The following COL25A1 variants were observed in gnomAD, a reference collection of about 807,000 sequenced individuals.
The protein encoded by COL25A1 is collagen type XXV alpha 1 chain.
COL25A1 carries 103 observed loss-of-function variants against 128.4 expected under a neutral mutation model. The observed-to-expected ratio is 0.80, with a 90% CI of 0.68 to 0.94. The LOEUF (loss-of-function observed/expected upper bound fraction) is 0.94, where lower values mean the gene tolerates loss of function less well. Among genes scored for constraint, COL25A1 ranks in the 40% least tolerant of loss-of-function variants. The pLI, the probability that COL25A1 is intolerant of heterozygous loss-of-function variation, is 0.00. For synonymous variants in COL25A1, 279 were observed against 277.2 expected (o/e 1.01, Z -0.06); for missense variants, 745 against 840.0 (o/e 0.89, Z 1.40).
intron 3 of COL25A1, among the ~76,000 whole-genome samples, chr4:109,228,918 C>T (rs1015924318): frequency 6.6e-6 from 1 of 152,208 alleles, no homozygotes; most frequent in African/African-American, 2.4e-5. Context: ...GAGTTATTTA[C>T]ATCATTCTTC....
chr4:109,202,327 T>C (rs924782946), intron 3 of COL25A1, among the ~76,000 whole-genome samples: 8 of 151,998 alleles, frequency 5.3e-5, no homozygotes, highest in African/African-American at 1.4e-4. Flanking sequence ...CAATTGATCA[T>C]TGACAAATGA....
intron 3 of COL25A1, among the ~76,000 whole-genome samples, chr4:109,189,777 T>G (rs1048628051): frequency 6.6e-6 from 1 of 152,150 alleles, no homozygotes; most frequent in Non-Finnish European, 1.5e-5. Context: ...TTTATCTATT[T>G]TTTTGTCTTC....
At chr4:109,277,460 A>G (rs1342372751) in intron 3 of COL25A1, among the ~76,000 whole-genome samples, 4 of 152,180 alleles carry the variant, frequency 2.6e-5, no homozygotes, top group African/African-American at 9.6e-5. Context: ...GGGAGGAAAA[A>G]TCTTAACTGA....
At chr4:109,191,894 A>T (rs1775652509) in intron 3 of COL25A1, among the ~76,000 whole-genome samples, 1 of 152,244 alleles carries the variant, frequency 6.6e-6, no homozygotes, top group Non-Finnish European at 1.5e-5. Context: ...CAGAGATAAG[A>T]GCCATCTAAA....
At position 109,024,262 on chromosome 4, in the gene COL25A1, T is replaced by C. The variant is rs1323726617; in HGVS notation, c.421-13887A>G. ...AACTTACTCTGGATTTATTGGGACA[T>C]ACATAACCCCATCATAAATTAAGGA... On this transcript the variant is annotated intron_variant, in intron 5 of 37. Coordinates refer to ENST00000399132, the MANE Select transcript of COL25A1 (RefSeq NM_198721.4). Among the ~76,000 whole-genome samples, 4 of 106,166 alleles carry C rather than the reference T, an allele frequency of 3.8e-5. No individual in the cohort carries two copies. In the South Asian group the frequency reaches 8.4e-4, roughly 22 times the overall value. The allele number at this position is 106,166 out of a possible 152,430, so 69.6% of individuals were successfully genotyped here.
In COL25A1 at chr4:109,302,250, C is replaced by A. The variant is rs553101805; in HGVS notation, c.-138G>T. The stretch of plus-strand genomic sequence containing the variant: ...TCCTCCCAGCTGGAAGTGAAAAGCA[C>A]CCTCCGTCCGGGGACTGGGTGGCGG... On this transcript the variant is annotated 5_prime_UTR_variant, in exon 1 of 38. Transcript: ENST00000399132. The A allele has an allele frequency of 1.3e-5, 7 of 541,696 alleles. 1 individual carries two copies. The South Asian group carries it at 2.4e-4, about 19-fold the overall frequency. The allele number at this position is 541,696 out of a possible 1,614,324, so 33.6% of individuals were successfully genotyped here. A position where few individuals can be genotyped will look rare whatever the true frequency, so the allele number is the denominator to read the frequency against.
In COL25A1 at chr4:109,216,478, T is replaced by A. The variant is rs1778007545; in HGVS notation, c.367+84105A>T. The stretch of plus-strand genomic sequence containing the variant: ...TTGGAAATGGTCTTTGTAGATATAA[T>A]CAAATTAATATGATGTCATCCTGGA... On this transcript the variant is annotated intron_variant, in intron 3 of 37. Coordinates refer to ENST00000399132, the MANE Select transcript of COL25A1 (RefSeq NM_198721.4). Among the ~76,000 whole-genome samples, 5 of 152,110 alleles carry A rather than the reference T, an allele frequency of 3.3e-5. No homozygotes were observed. The South Asian group carries it at 1.0e-3, about 32-fold the overall frequency.
intron 3 of COL25A1, among the ~76,000 whole-genome samples, chr4:109,065,545 C>CGTGTGTGT (rs70949065): frequency 1.2e-4 from 17 of 141,190 alleles, no homozygotes; most frequent in East Asian, 6.4e-4. Context: ...CGCGCGCGCG[C>CGTGTGTGT]GTGTGTGTGT....
At chr4:108,920,128 C>T (rs964941405) in intron 12 of COL25A1, among the ~76,000 whole-genome samples, 5 of 152,128 alleles carry the variant, frequency 3.3e-5, no homozygotes, top group Admixed American at 2.6e-4. Context: ...ATCAGGAAGT[C>T]ACTGTTCAGG....
At chr4:109,246,950 TG>T (rs1383958194) in intron 3 of COL25A1, among the ~76,000 whole-genome samples, 1 of 152,094 alleles carries the variant, frequency 6.6e-6, no homozygotes, top group Admixed American at 6.6e-5. Flanking sequence ...ACATCTGAAC[TG>T]GGATTTAAAA....
At chr4:109,183,621 T>C (rs2126149086) in intron 3 of COL25A1, among the ~76,000 whole-genome samples, 1 of 152,246 alleles carries the variant, frequency 6.6e-6, no homozygotes, top group Non-Finnish European at 1.5e-5. Context: ...ACGAGGTATT[T>C]CAGATTTCTG....
At chr4:108,833,604 C>A (rs1474074007) in intron 31 of COL25A1, among the ~76,000 whole-genome samples, 1 of 152,186 alleles carries the variant, frequency 6.6e-6, no homozygotes, top group African/African-American at 2.4e-5. Flanking sequence ...AATGTAGGAA[C>A]TATTCCAGCA....
chr4:109,288,181 C>G (rs1256223797), intron 3 of COL25A1, among the ~76,000 whole-genome samples: 1 of 152,128 alleles, frequency 6.6e-6, no homozygotes, highest in African/African-American at 2.4e-5. Context: ...CCTTCCTCAG[C>G]CTTACTCAGG....
intron 3 of COL25A1, among the ~76,000 whole-genome samples, chr4:109,199,769 C>T (rs1463884062): frequency 6.6e-6 from 1 of 152,126 alleles, no homozygotes; most frequent in African/African-American, 2.4e-5. Flanking sequence ...AACGAAGTCA[C>T]TTGGGATTGG....
intron 18 of COL25A1, among the ~76,000 whole-genome samples, chr4:108,885,655 G>T (rs541201182): frequency 1.3e-5 from 2 of 152,176 alleles, no homozygotes; most frequent in East Asian, 3.9e-4. Flanking sequence ...AGTAAAAAGA[G>T]CTTGTACATA....
At chr4:108,837,979 T>C (rs887944570) in intron 31 of COL25A1, 1 of 753,202 alleles carries the variant, frequency 1.3e-6, no homozygotes, top group East Asian at 2.7e-5. Context: ...TCTAATATAA[T>C]ATGTTTTCTA....
intron 3 of COL25A1, among the ~76,000 whole-genome samples, chr4:109,137,144 T>C (rs1769863910): frequency 6.6e-6 from 1 of 152,196 alleles, no homozygotes; most frequent in Admixed American, 6.5e-5. Context: ...AGCAATAGAT[T>C]GCTAATACAC....
intron 8 of COL25A1, among the ~76,000 whole-genome samples, chr4:108,959,998 C>T (rs1398237535): frequency 6.6e-6 from 1 of 152,032 alleles, no homozygotes; most frequent in South Asian, 2.1e-4. Context: ...GAAAAGGCTG[C>T]AAGACTGAAA....
intron 3 of COL25A1, among the ~76,000 whole-genome samples, chr4:109,231,822 C>T (rs1386656254): frequency 6.6e-6 from 1 of 152,154 alleles, no homozygotes; most frequent in African/African-American, 2.4e-5. Flanking sequence ...TGATTTTAGG[C>T]AAGTCAGAAA....
Sources: allele counts gnomAD v4.1 joint callset (sites outside exome capture counted in the v4.1 genomes callset), GRCh38; gene constraint gnomAD v4.1.1; transcripts MANE v1.5; gene names NCBI Gene and HGNC (gene_info 2026-07-23, HGNC 2026-07-21).